ATP9A: variants seen among roughly 807,000 people sequenced by gnomAD.
ATP9A encodes the protein probable phospholipid-transporting ATPase IIA.
A neutral mutation model predicts 144.1 loss-of-function variants in ATP9A; 52 were observed. The ratio of observed to expected loss-of-function variants is 0.36; its 90% CI spans 0.29 to 0.45. The LOEUF (loss-of-function observed/expected upper bound fraction) is 0.45. Ranked by LOEUF, ATP9A falls within the 20% of genes least tolerant of loss-of-function variation. ATP9A has a pLI of 1.00. For synonymous variants in ATP9A, 582 were observed against 557.4 expected (o/e 1.04, Z -0.62); for missense variants, 947 against 1,392.7 (o/e 0.68, Z 5.09).
At chr20:51,679,444 T>TA (rs1249098294) in intron 9 of ATP9A, among the ~76,000 whole-genome samples, 1 of 152,148 alleles carries the variant, frequency 6.6e-6, no homozygotes, top group Non-Finnish European at 1.5e-5. Context: ...AACCACCTCT[T>TA]AGACAGGCAC....
rs2077260447 is a variant in ATP9A, at chr20:51,628,959, AACTTCCTGCATC to A, written c.1761+9_1761+20del. ...AGAACATGCTTCCAAGGCCTGGTTT[AACTTCCTGCATC>A]ACACTTACCTCTTCCTCCAACCAGT... On this transcript the variant is annotated intron_variant, in intron 16 of 27. Coordinates refer to ENST00000338821, the MANE Select transcript of ATP9A (RefSeq NM_006045.3). The A allele has an allele frequency of 6.2e-7, 1 of 1,601,504 alleles. No homozygotes were observed.
At chr20:51,669,812 T>C (rs899865391) in intron 13 of ATP9A, among the ~76,000 whole-genome samples, 185 bp downstream of exon 13, 4 of 152,082 alleles carry the variant, frequency 2.6e-5, no homozygotes, top group Non-Finnish European at 5.9e-5. Context: ...AGAGGGCTTC[T>C]TTTTGGGGTA....
chr20:51,639,349 G>A lies in ATP9A; in HGVS notation c.1662C>T (p.Ile554=), dbSNP rs760312245. Residue 554 remains isoleucine (I), a synonymous_variant, in exon 15 of 28, where the codon ATC becomes ATT. Transcript: ENST00000338821. ...ATGAATAAAAACGACTCACCCGCAC[G>A]ATGATGCCCATACGTTTGCTTTCAT... ...FTYESKRMGI[I]VRDESTGEIT... is the part of the protein sequence containing the mutation. 22 of 1,611,968 alleles carry A rather than the reference G, an allele frequency of 1.4e-5. No individual in the cohort carries two copies. In the Admixed American group the frequency reaches 2.3e-4, roughly 17 times the overall value.
intron 22 of ATP9A, among the ~76,000 whole-genome samples, chr20:51,614,775 CACT>C (rs1308370224): frequency 6.6e-6 from 1 of 152,126 alleles, no homozygotes; most frequent in Non-Finnish European, 1.5e-5. Context: ...TGCCGTGAGA[CACT>C]ACAACTGTCC....
intron 3 of ATP9A, among the ~76,000 whole-genome samples, chr20:51,718,963 A>G (rs369666365): frequency 6.6e-6 from 1 of 151,606 alleles, no homozygotes; most frequent in Non-Finnish European, 1.5e-5. Flanking sequence ...CCCCATCTCT[A>G]CTAAAAACAC....
chr20:51,602,642 AC>A (rs1421422287), intron 27 of ATP9A, among the ~76,000 whole-genome samples: 1 of 152,188 alleles, frequency 6.6e-6, no homozygotes, highest in African/African-American at 2.4e-5. Context: ...CAACTGTGAA[AC>A]CTTTACTTTT....
intron 1 of ATP9A, 27 bp downstream of exon 1, chr20:51,768,275 G>T: frequency 8.0e-7 from 1 of 1,248,290 alleles, no homozygotes; most frequent in South Asian, 3.2e-5. Flanking sequence ...CGCGGACAAA[G>T]GAAAACACGG....
intron 15 of ATP9A, among the ~76,000 whole-genome samples, chr20:51,637,206 C>T (rs192596419): frequency 6.8e-5 from 10 of 147,146 alleles, no homozygotes; most frequent in Admixed American, 2.8e-4. Context: ...TAAAGCTACA[C>T]GGTAAATGAT....
At chr20:51,657,210 G>A (rs6021355) in intron 13 of ATP9A, 60 bp from the exon 14 acceptor site, 387,131 of 1,418,810 alleles carry the variant, frequency 0.27, 55,565 homozygotes, top group Non-Finnish European at 0.3. Flanking sequence ...TTGGAGAGTG[G>A]AAGAACAGCC....
At position 51,601,064 on chromosome 20, in the gene ATP9A, C is replaced by T. The variant is rs976790624; in HGVS notation, c.*147G>A. ...TCCCGTTGATGCAGCGTTAGGACTC[C>T]GTTTAGGCGCAGAGCCACTTCCCAT... On this transcript the variant is annotated 3_prime_UTR_variant, in exon 28 of 28. Transcript: ENST00000338821. 1.5e-5 allele frequency: 15 copies of T among 1,014,504 alleles called. No individual in the cohort carries two copies. The highest frequency in any genetic ancestry group is 2.1e-5 in the Non-Finnish European group (15 of 728,816). 62.8% of individuals were successfully genotyped at this position (1,014,504 alleles called of 1,614,324 possible).
At position 51,683,474 on chromosome 20, in the gene ATP9A, G is replaced by A. The variant is rs1478287135; in HGVS notation, c.799+5590C>T. Among the ~76,000 whole-genome samples the A allele has an allele frequency of 4.6e-5, 7 of 152,006 alleles. No homozygotes were observed. The South Asian group carries it at 8.3e-4, about 18-fold the overall frequency. On this transcript the variant is annotated intron_variant, in intron 9 of 27. Transcript: ENST00000338821. ...ATTATTTTATATTTTTAGTAGAGAC[G>A]GGGTTCACCGTGTTAGCCAGGATGG...
At chr20:51,698,377 G>C (rs2077579163) in intron 4 of ATP9A, among the ~76,000 whole-genome samples, 1 of 152,318 alleles carries the variant, frequency 6.6e-6, no homozygotes, top group East Asian at 1.9e-4. Flanking sequence ...ATAAAAATTA[G>C]CTGGATGTGG....
At chr20:51,707,003 G>A (rs757938243) in intron 4 of ATP9A, among the ~76,000 whole-genome samples, 3 of 152,094 alleles carry the variant, frequency 2.0e-5, no homozygotes, top group East Asian at 1.9e-4. Context: ...AGGAAACTTC[G>A]CCTAATTGGG....
intron 1 of ATP9A, among the ~76,000 whole-genome samples, chr20:51,752,079 A>T (rs935298864): frequency 3.3e-5 from 5 of 152,114 alleles, no homozygotes; most frequent in South Asian, 4.1e-4. Context: ...AGAAAAAAAA[A>T]ATATATGCTA....
intron 17 of ATP9A, among the ~76,000 whole-genome samples, chr20:51,626,350 A>G (rs867629476): frequency 1.3e-5 from 2 of 151,958 alleles, no homozygotes; most frequent in African/African-American, 4.8e-5. Flanking sequence ...TTAGCCAGGC[A>G]TGGTGGCACA....
intron 18 of ATP9A, among the ~76,000 whole-genome samples, chr20:51,624,157 G>T (rs2077238228): frequency 6.6e-6 from 1 of 152,198 alleles, no homozygotes; most frequent in Non-Finnish European, 1.5e-5. Flanking sequence ...GACGAACCAG[G>T]CCTGTGAGCC....
intron 15 of ATP9A, among the ~76,000 whole-genome samples, chr20:51,632,936 A>G (rs2122737363): frequency 6.6e-6 from 1 of 152,234 alleles, no homozygotes; most frequent in African/African-American, 2.4e-5. Flanking sequence ...CAGCCTGCCC[A>G]ACATGGTGAA....
intron 4 of ATP9A, 74 bp downstream of exon 4, chr20:51,712,892 G>T: frequency 7.3e-7 from 1 of 1,368,414 alleles, no homozygotes; most frequent in South Asian, 1.2e-5. Context: ...CCCGGGCCTT[G>T]AACTCTTCTC....
At chr20:51,612,632 C>T (rs1322856619) in intron 23 of ATP9A, among the ~76,000 whole-genome samples, 1 of 152,188 alleles carries the variant, frequency 6.6e-6, no homozygotes, top group Non-Finnish European at 1.5e-5. Context: ...ACCACGTTCA[C>T]CAGACTGGTC....
Sources: gnomAD v4.1 joint callset for allele counts (sites outside exome capture counted in the v4.1 genomes callset) on GRCh38, gnomAD v4.1.1 for gene constraint, MANE v1.5 for transcripts, NCBI Gene and HGNC (gene_info 2026-07-23, HGNC 2026-07-21) for gene names.